Variants in FOXP2 observed in about 807,000 individuals in gnomAD.
FOXP2 encodes the protein forkhead box P2, also known as forkhead box protein P2.
FOXP2 carries 12 observed loss-of-function variants against 115.8 expected under a neutral mutation model. The ratio of observed to expected loss-of-function variants is 0.10; its 90% CI spans 0.07 to 0.17. FOXP2 has a LOEUF of 0.17. Among genes scored for constraint, FOXP2 ranks in the 10% least tolerant of loss-of-function variants. The probability of loss-of-function intolerance (pLI) is 1.00; values close to 1 mark genes in which losing one functional copy is unlikely to be tolerated. For synonymous variants in FOXP2, 328 were observed against 297.7 expected (o/e 1.10, Z -1.05); for missense variants, 629 against 843.5 (o/e 0.75, Z 3.15).
intron 1 of FOXP2, among the ~76,000 whole-genome samples, chr7:114,141,457 T>G (rs1046904008): frequency 6.6e-6 from 1 of 152,170 alleles, no homozygotes; most frequent in African/African-American, 2.4e-5. Flanking sequence ...ACTTAGGAAA[T>G]TTATATATGT....
chr7:114,327,146 G>C (rs1299321596), intron 2 of FOXP2, among the ~76,000 whole-genome samples: 1 of 152,128 alleles, frequency 6.6e-6, no homozygotes, highest in African/African-American at 2.4e-5. Flanking sequence ...AGTGATCACA[G>C]TTTGCTATTA....
chr7:114,693,100 G>T lies in FOXP2; in HGVS notation c.*3174G>T, dbSNP rs571497670. 1.4e-4 allele frequency: 62 copies of T among 453,758 alleles called. No individual in the cohort carries two copies. Among genetic ancestry groups the T allele is most frequent in the South Asian group, 9.5e-4 (61 of 64,456 alleles). 28.1% of individuals were successfully genotyped at this position (453,758 alleles called of 1,614,324 possible). A position where few individuals can be genotyped will look rare whatever the true frequency, so the allele number is the denominator to read the frequency against. On this transcript the variant is annotated 3_prime_UTR_variant, in exon 17 of 17. Transcript: ENST00000350908. ...ATTGCTTAAACCTAGTGGGCTTAAG[G>T]CTTATATTCTATGTGGTTGGATTCG...
intron 2 of FOXP2, among the ~76,000 whole-genome samples, chr7:114,432,896 A>G (rs1406306942): frequency 6.6e-6 from 1 of 151,986 alleles, no homozygotes; most frequent in Non-Finnish European, 1.5e-5. Flanking sequence ...ATTATCATCC[A>G]CAGTTATTTT....
chr7:114,236,144 G>A (rs902457938), intron 1 of FOXP2, among the ~76,000 whole-genome samples: 1 of 152,132 alleles, frequency 6.6e-6, no homozygotes, highest in Non-Finnish European at 1.5e-5. Flanking sequence ...AATGCTAAAT[G>A]CCAGTGAGAG....
chr7:114,639,054 G>A (rs1805383133), intron 6 of FOXP2, among the ~76,000 whole-genome samples: 1 of 152,024 alleles, frequency 6.6e-6, no homozygotes, highest in Admixed American at 6.6e-5. Context: ...ACTTTTAGAA[G>A]GCAAGTGGAT....
chr7:114,593,005 T>A (rs1167909503), intron 3 of FOXP2, among the ~76,000 whole-genome samples: 4 of 151,962 alleles, frequency 2.6e-5, no homozygotes, highest in South Asian at 4.1e-4. Context: ...ATTCACACAG[T>A]TCCTTGGCTT....
chr7:114,641,231 A>G (rs1472051059), intron 6 of FOXP2, among the ~76,000 whole-genome samples: 1 of 152,208 alleles, frequency 6.6e-6, no homozygotes, highest in Non-Finnish European at 1.5e-5. Flanking sequence ...AAAAAGCACA[A>G]GGTCTATAAA....
chr7:114,292,660 C>T (rs1206534593), intron 2 of FOXP2, among the ~76,000 whole-genome samples: 6 of 152,102 alleles, frequency 3.9e-5, no homozygotes, highest in African/African-American at 1.2e-4. Flanking sequence ...TTTCTTACCT[C>T]CTTTTTAGCT....
chr7:114,350,036 A>G (rs1791443363), intron 2 of FOXP2, among the ~76,000 whole-genome samples: 2 of 152,218 alleles, frequency 1.3e-5, no homozygotes, highest in Admixed American at 1.3e-4. Flanking sequence ...GTAGCACTAT[A>G]TAACAAGAAG....
At chr7:114,569,569 G>T (rs1801190088) in intron 3 of FOXP2, among the ~76,000 whole-genome samples, 2 of 151,916 alleles carry the variant, frequency 1.3e-5, no homozygotes, top group African/African-American at 4.8e-5. Context: ...AGCAAGAGTA[G>T]CACAAGGCTG....
upstream of FOXP2, among the ~76,000 whole-genome samples, chr7:114,158,417 ACT>A (rs937460637): frequency 6.6e-6 from 1 of 151,160 alleles, no homozygotes; most frequent in Non-Finnish European, 1.5e-5. Flanking sequence ...ACTCTGTCTC[ACT>A]CTCTCTCTCA....
In FOXP2 at chr7:114,187,566, C is replaced by A. The variant is rs562768039; in HGVS notation, c.-102+24478C>A. Among the ~76,000 whole-genome samples, 3 of 152,316 alleles carry A rather than the reference C, an allele frequency of 2.0e-5. No homozygotes were observed. In the South Asian group the frequency reaches 6.2e-4, roughly 32 times the overall value. On this transcript the variant is annotated intron_variant, in intron 1 of 17. Transcript: ENST00000634411. ...CCCTACAACTCTTCTTCTGAGCTGA[C>A]AAAAGAATTGCCCTTAATGCTTTAT...
chr7:114,392,724 A>G (rs746206927), intron 2 of FOXP2, among the ~76,000 whole-genome samples: 14 of 152,132 alleles, frequency 9.2e-5, no homozygotes, highest in South Asian at 2.1e-4. Flanking sequence ...AAGACCTACA[A>G]CCTCACATCA....
At chr7:114,271,928 T>C (rs1562847569) in intron 1 of FOXP2, among the ~76,000 whole-genome samples, 1 of 130,682 alleles carries the variant, frequency 7.7e-6, no homozygotes, top group East Asian at 2.1e-4. Flanking sequence ...ATATAATTAT[T>C]ATAATATTAA....
rs779727640 is a variant in FOXP2, at chr7:114,689,924, T to G, written c.2146T>G (p.Ter716GlyextTer9). 7.4e-6 allele frequency: 12 copies of G among 1,612,960 alleles called. No homozygotes were observed. The highest frequency in any genetic ancestry group is 1.0e-5 in the Non-Finnish European group (12 of 1,179,286). ...EEEPLSEDLE[*>G] is the part of the protein sequence containing the mutation. ...AGAGCCTTTATCTGAAGATCTGGAA[T>G]GAGAACTGACTTGTGAAACCTCAGC... Residue 716 changes from the stop codon to glycine (G), a stop_lost, in exon 17 of 17, where the codon TGA becomes GGA. Coordinates refer to ENST00000350908, the MANE Select transcript of FOXP2 (RefSeq NM_014491.4).
intron 1 of FOXP2, among the ~76,000 whole-genome samples, chr7:114,119,700 GAC>G (rs1791507504): frequency 6.6e-6 from 1 of 152,126 alleles, no homozygotes; most frequent in African/African-American, 2.4e-5. Context: ...CACACAGCAA[GAC>G]CTTGTCTCAA....
intron 3 of FOXP2, among the ~76,000 whole-genome samples, chr7:114,542,358 C>A (rs1379962447): frequency 2.0e-5 from 3 of 152,088 alleles, no homozygotes; most frequent in African/African-American, 7.2e-5. Flanking sequence ...TTCTTACAAT[C>A]CAGTATCTAA....
intron 10 of FOXP2, among the ~76,000 whole-genome samples, chr7:114,656,173 G>C (rs1160277267): frequency 6.6e-6 from 1 of 151,940 alleles, no homozygotes; most frequent in African/African-American, 2.4e-5. Flanking sequence ...TTAATGTGTT[G>C]GTAAAATGTA....
intron 1 of FOXP2, among the ~76,000 whole-genome samples, chr7:114,172,203 T>C (rs2696873): frequency 0.026 from 3,979 of 152,246 alleles, 181 homozygotes; most frequent in African/African-American, 0.088. Context: ...GCACTGAAAA[T>C]ACCAAAGAAT....
Sources: allele counts gnomAD v4.1 joint callset (sites outside exome capture counted in the v4.1 genomes callset), GRCh38; gene constraint gnomAD v4.1.1; transcripts MANE v1.5; gene names NCBI Gene and HGNC (gene_info 2026-07-23, HGNC 2026-07-21).